The following NHSL2 variants were observed in gnomAD, a reference collection of about 807,000 sequenced individuals.
NHSL2 encodes the protein NHS like 2.
NHSL2 carries 27 observed loss-of-function variants against 53.4 expected under a neutral mutation model. The ratio of observed to expected loss-of-function variants is 0.51; its 90% CI spans 0.37 to 0.70. The LOEUF (loss-of-function observed/expected upper bound fraction) is 0.70, where lower values mean the gene tolerates loss of function less well. NHSL2 is among the 30% of genes least tolerant of loss of function. The probability of loss-of-function intolerance (pLI) is 0.00; values close to 1 mark genes in which losing one functional copy is unlikely to be tolerated. For missense variants in NHSL2, 892 were observed against 980.1 expected (o/e 0.91, Z 1.20); for synonymous variants, 408 against 404.1 (o/e 1.01, Z -0.12).
chrX:72,123,646 C>T lies in NHSL2; in HGVS notation c.281-8433C>T, dbSNP rs367954485. 3.7e-3 allele frequency among the ~76,000 whole-genome samples: 415 copies of T among 112,228 alleles called. 2 individuals carry two copies. The highest frequency in any genetic ancestry group is 4.6e-3 in the Non-Finnish European group (245 of 53,157). On this transcript the variant is annotated intron_variant, in intron 1 of 7. Transcript: ENST00000633930. Reference sequence around the variant, plus strand: ...GGAGACCACAGTCGCTGGAGGCACCCGCCCTTCTCTAGCTTGGTCATGTGA... The same window carrying T: ...GGAGACCACAGTCGCTGGAGGCACCTGCCCTTCTCTAGCTTGGTCATGTGA...
chrX:72,140,078 G>C lies in NHSL2; in HGVS notation c.2530G>C (p.Asp844His). The C allele has an allele frequency of 1.7e-6, 2 of 1,209,481 alleles. No individual in the cohort carries two copies. Among genetic ancestry groups the C allele is most frequent in the Non-Finnish European group, 2.2e-6 (2 of 894,034 alleles). ...GGTCAGCAAGTCTGAGCCGGAAGAT[G>C]ATATTGAGAGCCCTGAGTATGCCGA... ...RSVSKSEPED[D>H]IESPEYAEEP... Residue 844 changes from aspartate (D) to histidine (H), a missense_variant, in exon 6 of 8, where the codon GAT becomes CAT. Physicochemically the swap from Asp to His is moderately conservative, Grantham distance 81 (BLOSUM62 -1). Coordinates refer to ENST00000633930, the MANE Select transcript of NHSL2 (RefSeq NM_001013627.3).
rs772318089 is a variant in NHSL2 at position 72,146,491 on chromosome X, A to G, written c.*2917A>G. 5 of 112,035 alleles carry G rather than the reference A, an allele frequency of 4.5e-5. No individual in the cohort carries two copies. The South Asian group carries it at 1.9e-3, about 42-fold the overall frequency. 9.2% of individuals were successfully genotyped at this position (112,035 alleles called of 1,213,427 possible). A position where few individuals can be genotyped will look rare whatever the true frequency, so the allele number is the denominator to read the frequency against. Reference sequence around the variant, plus strand: ...ACTACAATTACTAGTATAAATAATAATGATAATAATTTTTGAAGGTGGAAT... The same window carrying G: ...ACTACAATTACTAGTATAAATAATAGTGATAATAATTTTTGAAGGTGGAAT... On this transcript the variant is annotated 3_prime_UTR_variant, in exon 8 of 8. Coordinates refer to ENST00000633930, the MANE Select transcript of NHSL2 (RefSeq NM_001013627.3).
chrX:71,984,368 C>T (rs1284249039), intron 1 of NHSL2, among the ~76,000 whole-genome samples: 1 of 112,075 alleles, frequency 8.9e-6, no homozygotes, highest in Admixed American at 9.4e-5. Context: ...AATAGTAAAG[C>T]AAAATAAGTA....
chrX:71,994,748 A>G (rs1444751710), intron 1 of NHSL2, among the ~76,000 whole-genome samples: 1 of 111,804 alleles, frequency 8.9e-6, no homozygotes, highest in Non-Finnish European at 1.9e-5. Context: ...CAAGGCCCAC[A>G]CTAGAGCCTC....
intron 1 of NHSL2, among the ~76,000 whole-genome samples, chrX:72,013,218 C>T (rs770905658): frequency 2.8e-3 from 313 of 112,229 alleles, no homozygotes; most frequent in Non-Finnish European, 5.0e-3. Context: ...CTGTCATCAG[C>T]ATTTTGTAGT....
chrX:71,972,318 A>G (rs187919919), intron 1 of NHSL2, among the ~76,000 whole-genome samples: 1 of 112,093 alleles, frequency 8.9e-6, no homozygotes, highest in Non-Finnish European at 1.9e-5. Context: ...TAAAGGCATG[A>G]GCCACCGCGC....
intron 1 of NHSL2, among the ~76,000 whole-genome samples, chrX:71,950,768 C>A (rs976348661): frequency 9.0e-6 from 1 of 111,695 alleles, no homozygotes; most frequent in Admixed American, 9.5e-5. Context: ...CATTCTCACA[C>A]TGAACCAACT....
At chrX:71,969,652 T>G (rs1480232963) in intron 1 of NHSL2, among the ~76,000 whole-genome samples, 3 of 112,846 alleles carry the variant, frequency 2.7e-5, no homozygotes, top group Non-Finnish European at 3.7e-5. Context: ...CTTGTTGAAT[T>G]TGTTTATTAA....
intron 1 of NHSL2, among the ~76,000 whole-genome samples, chrX:72,063,266 C>T (rs1010362563): frequency 1.8e-5 from 2 of 112,543 alleles, no homozygotes; most frequent in East Asian, 2.8e-4. Context: ...AACTAATCCC[C>T]GTGTTCCTTG....
chrX:71,936,297 AC>A (rs1237511762), intron 1 of NHSL2, among the ~76,000 whole-genome samples: 1 of 112,038 alleles, frequency 8.9e-6, no homozygotes, highest in African/African-American at 3.2e-5. Flanking sequence ...TCTGGGGCCC[AC>A]CACCTGTCAG....
chrX:71,978,101 A>G (rs2041956968), intron 1 of NHSL2, among the ~76,000 whole-genome samples: 1 of 112,626 alleles, frequency 8.9e-6, no homozygotes. Context: ...TGAGGATTAA[A>G]CAAATTAATT....
intron 1 of NHSL2, among the ~76,000 whole-genome samples, chrX:72,082,156 A>G (rs1366247164): frequency 8.9e-6 from 1 of 112,011 alleles, no homozygotes; most frequent in Non-Finnish European, 1.9e-5. Context: ...GGGCCAGGTG[A>G]GCACAAGAAT....
At chrX:72,102,833 G>A (rs1382003538) in intron 1 of NHSL2, among the ~76,000 whole-genome samples, 3 of 112,075 alleles carry the variant, frequency 2.7e-5, no homozygotes, top group Non-Finnish European at 5.6e-5. Flanking sequence ...TGGGAAATAG[G>A]GAGCAGGTAT....
intron 1 of NHSL2, among the ~76,000 whole-genome samples, chrX:72,033,532 A>T (rs1166664767): frequency 8.9e-6 from 1 of 112,240 alleles, no homozygotes; most frequent in Non-Finnish European, 1.9e-5. Flanking sequence ...CCACGAACAT[A>T]GTATGTCTGT....
chrX:72,104,086 C>T (rs988682221), intron 1 of NHSL2, among the ~76,000 whole-genome samples: 2 of 112,508 alleles, frequency 1.8e-5, no homozygotes, highest in Non-Finnish European at 3.8e-5. Flanking sequence ...GCTTTCCTTC[C>T]ATTATGAACA....
At position 72,134,145 on chromosome X, in the gene NHSL2, C is replaced by T; in HGVS notation, c.491C>T (p.Ser164Phe). The stretch of plus-strand genomic sequence containing the variant: ...AGACTTGTGGGGCAGACCTTCCGCT[C>T]TTCTGATGAGGCCACTAAGCCCACC... ...EARLVGQTFRSSDEATKPTPN... is the reference protein window; with the variant it reads ...EARLVGQTFRFSDEATKPTPN... The change falls in exon 3 of 8, where the codon TCT (serine) becomes TTT (phenylalanine). Residue 164 changes from serine to phenylalanine, a missense_variant. By Grantham distance (155) the Ser-to-Phe change is radical. Transcript: ENST00000633930. 8.6e-7 allele frequency: 1 copy of T among 1,166,470 alleles called. No individual in the cohort carries two copies. Among genetic ancestry groups the T allele is most frequent in the Non-Finnish European group, 1.1e-6 (1 of 871,371 alleles).
intron 1 of NHSL2, among the ~76,000 whole-genome samples, chrX:71,947,327 C>T (rs912377639): frequency 1.8e-5 from 2 of 112,091 alleles, no homozygotes; most frequent in African/African-American, 6.5e-5. Context: ...CATGGGCCTC[C>T]GTTCCTAACC....
chrX:72,063,358 T>C (rs1440321617), intron 1 of NHSL2, among the ~76,000 whole-genome samples: 2 of 112,234 alleles, frequency 1.8e-5, no homozygotes, highest in African/African-American at 6.5e-5. Context: ...GGGGCTACTA[T>C]GTGTCAGGCA....
At chrX:71,971,623 CAA>C (rs1457847670) in intron 1 of NHSL2, among the ~76,000 whole-genome samples, 1 of 111,631 alleles carries the variant, frequency 9.0e-6, no homozygotes, top group Non-Finnish European at 1.9e-5. Flanking sequence ...TTATGGAAAA[CAA>C]TGCAATTTTA....
Sources: gnomAD v4.1 joint callset for allele counts (sites outside exome capture counted in the v4.1 genomes callset) on GRCh38, gnomAD v4.1.1 for gene constraint, MANE v1.5 for transcripts, NCBI Gene and HGNC (gene_info 2026-07-23, HGNC 2026-07-21) for gene names.